SORCS1: variants seen among roughly 807,000 people sequenced by gnomAD.
The protein encoded by SORCS1 is VPS10 domain-containing receptor SorCS1.
SORCS1 carries 60 observed loss-of-function variants against 146.1 expected under a neutral mutation model. That is an observed-to-expected ratio of 0.41 (90% confidence interval 0.33 to 0.51). SORCS1 has a LOEUF of 0.51. SORCS1 is among the 20% of genes least tolerant of loss of function. The pLI, the probability that SORCS1 is intolerant of heterozygous loss-of-function variation, is 0.21. For missense variants in SORCS1, 1,352 were observed against 1,487.6 expected (o/e 0.91, Z 1.50); for synonymous variants, 637 against 584.0 (o/e 1.09, Z -1.31).
At chr10:106,679,479 T>C (rs1852280784) in intron 11 of SORCS1, 147 bp from the exon 12 acceptor site, 2 of 925,500 alleles carry the variant, frequency 2.2e-6, no homozygotes, top group South Asian at 1.7e-5. Flanking sequence ...TCAGGTCCAA[T>C]GGTTTAGGTG....
intron 24 of SORCS1, among the ~76,000 whole-genome samples, chr10:106,593,463 C>T (rs931486501): frequency 7.2e-5 from 11 of 152,126 alleles, no homozygotes; most frequent in Non-Finnish European, 1.5e-4. Flanking sequence ...AGCTCTAATG[C>T]GTTATGACCA....
chr10:106,709,114 C>T (rs2135832729), intron 7 of SORCS1, 109 bp downstream of exon 7: 2 of 777,958 alleles, frequency 2.6e-6, no homozygotes, highest in East Asian at 2.6e-5. Context: ...CCTTCCCTCC[C>T]TCCCATCCTC....
intron 7 of SORCS1, among the ~76,000 whole-genome samples, chr10:106,708,746 A>G (rs529371069): frequency 6.6e-6 from 1 of 151,478 alleles, no homozygotes; most frequent in South Asian, 2.1e-4. Context: ...GCCTCCCACT[A>G]TCTCCAGCCA....
chr10:107,075,847 A>G (rs190625221), intron 1 of SORCS1, among the ~76,000 whole-genome samples: 1 of 152,058 alleles, frequency 6.6e-6, no homozygotes, highest in Admixed American at 6.6e-5. Context: ...CTGCTCTTTA[A>G]TCTCTCTACA....
intron 1 of SORCS1, among the ~76,000 whole-genome samples, chr10:107,050,930 C>A (rs1309433112): frequency 6.6e-6 from 1 of 152,074 alleles, no homozygotes; most frequent in Non-Finnish European, 1.5e-5. Flanking sequence ...TCCTTTCAGT[C>A]TTTTATTCAT....
intron 1 of SORCS1, among the ~76,000 whole-genome samples, chr10:107,099,307 G>T (rs1443428179): frequency 6.6e-6 from 1 of 152,106 alleles, no homozygotes; most frequent in South Asian, 2.1e-4. Flanking sequence ...TGATTGAGAA[G>T]ATTTTTGAGT....
chr10:107,007,266 T>A (rs1008462862), intron 1 of SORCS1, among the ~76,000 whole-genome samples: 1 of 152,250 alleles, frequency 6.6e-6, no homozygotes, highest in Non-Finnish European at 1.5e-5. Flanking sequence ...TGGTGCAGGA[T>A]CTTGTTTTGA....
At chr10:106,882,422 C>T (rs140852200) in intron 2 of SORCS1, among the ~76,000 whole-genome samples, 100 of 152,250 alleles carry the variant, frequency 6.6e-4, no homozygotes, top group African/African-American at 2.2e-3. Context: ...TGTAAAGGTT[C>T]GGGCACTACA....
intron 6 of SORCS1, among the ~76,000 whole-genome samples, chr10:106,718,345 G>A (rs1056451017): frequency 3.9e-5 from 6 of 152,196 alleles, no homozygotes; most frequent in African/African-American, 1.4e-4. Flanking sequence ...CCTTCTGGTG[G>A]GTTCTTGGTC....
At chr10:106,940,983 C>A (rs1954014521) in intron 2 of SORCS1, among the ~76,000 whole-genome samples, 1 of 152,182 alleles carries the variant, frequency 6.6e-6, no homozygotes, top group Non-Finnish European at 1.5e-5. Flanking sequence ...AGCCTGGGCT[C>A]TGGAGCTCGA....
chr10:107,014,728 T>C (rs902718398), intron 1 of SORCS1, among the ~76,000 whole-genome samples: 1 of 152,206 alleles, frequency 6.6e-6, no homozygotes, highest in African/African-American at 2.4e-5. Flanking sequence ...ATAACTCTGA[T>C]GGACATTCAC....
intron 1 of SORCS1, among the ~76,000 whole-genome samples, chr10:107,152,406 T>C (rs1161007502): frequency 1.3e-5 from 2 of 152,174 alleles, no homozygotes; most frequent in Non-Finnish European, 2.9e-5. Context: ...CTATCCTCCA[T>C]ACCCCAGAAT....
At chr10:106,791,517 C>A (rs547357981) in intron 3 of SORCS1, among the ~76,000 whole-genome samples, 53 of 152,140 alleles carry the variant, frequency 3.5e-4, no homozygotes, top group African/African-American at 1.3e-3. Flanking sequence ...CTGGCCAACA[C>A]TGTGAAACTC....
At chr10:106,629,759 AC>A (rs1848325093) in intron 18 of SORCS1, among the ~76,000 whole-genome samples, 3 of 152,158 alleles carry the variant, frequency 2.0e-5, no homozygotes, top group African/African-American at 7.2e-5. Context: ...AATTTAGCTT[AC>A]CTGGGTCAGG....
rs746013591 is a variant in SORCS1 at position 106,721,309 on chromosome 10, G to A, written c.1024+8741C>T. ...AAGATAAAGGAAGACTATGAAATGC[G>A]GGGTCTAATAATGGCAACTGTTGTG... is the stretch of plus-strand genomic sequence containing the variant. On this transcript the variant is annotated intron_variant, in intron 6 of 25. Coordinates refer to ENST00000263054, the MANE Select transcript of SORCS1 (RefSeq NM_052918.5). Among the ~76,000 whole-genome samples the A allele has an allele frequency of 1.2e-3, 185 of 152,180 alleles. 1 individual carries two copies. The highest frequency in any genetic ancestry group is 3.4e-3 in the Middle Eastern group (1 of 294).
At chr10:106,922,558 G>A (rs1564813276) in intron 2 of SORCS1, among the ~76,000 whole-genome samples, 1 of 152,170 alleles carries the variant, frequency 6.6e-6, no homozygotes, top group Non-Finnish European at 1.5e-5. Context: ...TAGGTTCACA[G>A]CAAATTTAAG....
At chr10:106,637,105 A>C (rs1185419474) in intron 18 of SORCS1, among the ~76,000 whole-genome samples, 1 of 152,230 alleles carries the variant, frequency 6.6e-6, no homozygotes, top group African/African-American at 2.4e-5. Flanking sequence ...TGAGATGACT[A>C]ATCAGGAAAC....
chr10:106,679,859 A>G (rs1038018549), intron 10 of SORCS1, 125 bp from the exon 11 acceptor site: 6 of 689,272 alleles, frequency 8.7e-6, no homozygotes, highest in Non-Finnish European at 1.5e-5. Flanking sequence ...CACCACTCCA[A>G]CCACCCATTG....
chr10:107,058,807 T>G (rs926855416), intron 1 of SORCS1, among the ~76,000 whole-genome samples: 8 of 152,234 alleles, frequency 5.3e-5, no homozygotes, highest in African/African-American at 1.7e-4. Context: ...CTGGCTGACA[T>G]GAAATTTTCA....
Sources: gnomAD v4.1 joint callset for allele counts (sites outside exome capture counted in the v4.1 genomes callset) on GRCh38, gnomAD v4.1.1 for gene constraint, MANE v1.5 for transcripts, NCBI Gene and HGNC (gene_info 2026-07-23, HGNC 2026-07-21) for gene names.